The following ATP8B3 variants were observed in gnomAD, a reference collection of about 807,000 sequenced individuals.
The protein encoded by ATP8B3 is phospholipid-transporting ATPase IK.
Under a neutral mutation model 140.9 loss-of-function variants are expected in ATP8B3, and 141 were observed. The observed-to-expected ratio is 1.00, with a 90% CI of 0.87 to 1.15. ATP8B3 has a LOEUF of 1.15. ATP8B3 is among the 50% of genes most tolerant of loss of function. The probability of loss-of-function intolerance (pLI) is 0.00; values close to 1 mark genes in which losing one functional copy is unlikely to be tolerated. For synonymous variants in ATP8B3, 765 were observed against 714.6 expected (o/e 1.07, Z -1.13); for missense variants, 1,874 against 1,740.6 (o/e 1.08, Z -1.36).
chr19:1,782,975 T>G lies in ATP8B3; in HGVS notation c.*53A>C. 1 of 1,556,188 alleles carries G rather than the reference T, an allele frequency of 6.4e-7. No homozygotes were observed. Among genetic ancestry groups the G allele is most frequent in the Non-Finnish European group, 8.7e-7 (1 of 1,149,552 alleles). ...GAGCTGTACTTCCTGGGAGGACACC[T>G]GCCCCTGTGGCTGGTGCTTCTTCTT... On this transcript the variant is annotated 3_prime_UTR_variant, in exon 29 of 29. Transcript: ENST00000310127.
At chr19:1,803,178 G>A (rs1316910770) in intron 10 of ATP8B3, among the ~76,000 whole-genome samples, 2 of 152,102 alleles carry the variant, frequency 1.3e-5, no homozygotes, top group Admixed American at 6.6e-5. Context: ...CCAACACCCT[G>A]CAATGGCCTC....
chr19:1,809,767 C>G, intron 3 of ATP8B3, 33 bp from the exon 4 acceptor site: 6 of 1,568,052 alleles, frequency 3.8e-6, no homozygotes, highest in Non-Finnish European at 4.3e-6. Flanking sequence ...CGCTGGAGCT[C>G]GAGGCCCAGG....
intron 18 of ATP8B3, among the ~76,000 whole-genome samples, chr19:1,793,455 G>A (rs1261540846): frequency 2.0e-5 from 3 of 152,104 alleles, no homozygotes; most frequent in Non-Finnish European, 4.4e-5. Context: ...CACCCACCCG[G>A]TGCCTTCCCC....
intron 18 of ATP8B3, 42 bp downstream of exon 18, chr19:1,795,833 A>AAAAGCC: frequency 7.2e-7 from 1 of 1,384,216 alleles, no homozygotes; most frequent in Non-Finnish European, 1.0e-6. Context: ...ACACACACAC[A>AAAAGCC]CACACACACA....
At position 1,805,358 on chromosome 19, in the gene ATP8B3, G is replaced by C; in HGVS notation, c.904+16C>G. The stretch of plus-strand genomic sequence containing the variant: ...ACAGATTCGAGGGACGTGACTCCCT[G>C]CTCAACGCCTCTCACCTTGAAAGGA... On this transcript the variant is annotated intron_variant, in intron 10 of 28. Coordinates refer to ENST00000310127, the MANE Select transcript of ATP8B3 (RefSeq NM_138813.4). The surrounding 1 kb of genome is among the most constrained non-coding windows in gnomAD (Gnocchi z 5.2). The C allele has an allele frequency of 1.9e-6, 3 of 1,552,120 alleles. No homozygotes were observed. Among genetic ancestry groups the C allele is most frequent in the Non-Finnish European group, 1.7e-6 (2 of 1,143,856 alleles).
intron 28 of ATP8B3, 101 bp from the exon 29 acceptor site, chr19:1,783,371 A>G: frequency 7.1e-7 from 1 of 1,418,326 alleles, no homozygotes; most frequent in Non-Finnish European, 9.5e-7. Flanking sequence ...GCCCTTGGCC[A>G]CTATTGATTG....
Position 1,782,663 on chromosome 19 carries a change from C to T in ATP8B3, c.*365G>A, listed in dbSNP as rs2068192728. 3.5e-6 allele frequency: 1 copy of T among 281,760 alleles called. No individual in the cohort carries two copies. The highest frequency in any genetic ancestry group is 5.0e-5 in the South Asian group (1 of 20,104). The allele number at this position is 281,760 out of a possible 1,614,324, so 17.5% of individuals were successfully genotyped here. ...CTGGCCTGAAAGAAATGACTGGCTC[C>T]CCAGAGGCTGTGGCTGGCTCTCAAA... On this transcript the variant is annotated 3_prime_UTR_variant, in exon 29 of 29. Coordinates refer to ENST00000310127, the MANE Select transcript of ATP8B3 (RefSeq NM_138813.4).
rs10526864 is a variant in ATP8B3 at position 1,795,784 on chromosome 19, T to TACACACAC, written c.2055+83_2055+90dup. 7.4e-4 allele frequency: 660 copies of TACACACAC among 894,604 alleles called. 8 individuals carry two copies. The highest frequency in any genetic ancestry group is 3.5e-3 in the African/African-American group (128 of 36,904). 55.4% of individuals were successfully genotyped at this position (894,604 alleles called of 1,614,324 possible). On this transcript the variant is annotated intron_variant, in intron 18 of 28. Coordinates refer to ENST00000310127, the MANE Select transcript of ATP8B3 (RefSeq NM_138813.4). ...CCCTGCCTCCTCCTCCTCCTGTCCC[T>TACACACAC]ACACACACACACACACACACACACA...
chr19:1,807,025 C>T lies in ATP8B3; in HGVS notation c.615+143G>A. The T allele has an allele frequency of 1.3e-6, 1 of 760,144 alleles. No homozygotes were observed. Among genetic ancestry groups the T allele is most frequent in the South Asian group, 1.6e-5 (1 of 60,888 alleles). 47.1% of individuals were successfully genotyped at this position (760,144 alleles called of 1,614,324 possible). On this transcript the variant is annotated intron_variant, in intron 6 of 28. Coordinates refer to ENST00000310127, the MANE Select transcript of ATP8B3 (RefSeq NM_138813.4). This position sits in a 1 kb window ranked among gnomAD's most constrained non-coding sequence, Gnocchi z 5.9. ...GTGCTAGCAGATAAGGACAATGTAG[C>T]CCCAGCAGCTGAGGCTCCCAGGCCC...
At position 1,782,744 on chromosome 19, in the gene ATP8B3, C is replaced by A. The variant is rs2068194204; in HGVS notation, c.*284G>T. ...TGATTTCTCCTGAAAAGAATGTGACCTCTCCTTGGTCAACAGCAACTTCTC... is the reference window on the plus strand; with the variant it reads ...TGATTTCTCCTGAAAAGAATGTGACATCTCCTTGGTCAACAGCAACTTCTC... On this transcript the variant is annotated 3_prime_UTR_variant, in exon 29 of 29. Transcript: ENST00000310127. 2 of 449,024 alleles carry A rather than the reference C, an allele frequency of 4.5e-6. No individual in the cohort carries two copies. The highest frequency in any genetic ancestry group is 8.1e-6 in the Non-Finnish European group (2 of 246,454). The allele number at this position is 449,024 out of a possible 1,614,324, so 27.8% of individuals were successfully genotyped here. A position where few individuals can be genotyped will look rare whatever the true frequency, so the allele number is the denominator to read the frequency against.
chr19:1,797,087 G>A, intron 14 of ATP8B3, 82 bp from the exon 15 acceptor site: 1 of 1,586,616 alleles, frequency 6.3e-7, no homozygotes, highest in Non-Finnish European at 8.6e-7. Context: ...CTAGTTTCAG[G>A]CTTCCGGGGG....
In ATP8B3 at chr19:1,807,475, C is replaced by T. The variant is rs1420191243; in HGVS notation, c.517-209G>A. On this transcript the variant is annotated intron_variant, in intron 5 of 28. Transcript: ENST00000310127. This position sits in a 1 kb window ranked among gnomAD's most constrained non-coding sequence, Gnocchi z 5.9. Reference sequence around the variant, plus strand: ...TGCCTGGAACTTCTCCCACACGCCTCGTCTCCCCAGCAAACTCCCCTTCTC... The same window carrying T: ...TGCCTGGAACTTCTCCCACACGCCTTGTCTCCCCAGCAAACTCCCCTTCTC... Among the ~76,000 whole-genome samples the T allele has an allele frequency of 7.9e-5, 12 of 152,096 alleles. No individual in the cohort carries two copies. Among genetic ancestry groups the T allele is most frequent in the South Asian group, 2.1e-4 (1 of 4,826 alleles).
chr19:1,809,584 T>G, intron 4 of ATP8B3, 59 bp downstream of exon 4: 3 of 1,454,722 alleles, frequency 2.1e-6, no homozygotes, highest in Non-Finnish European at 2.8e-6. Flanking sequence ...AAAAATAGAT[T>G]CCCCGAGGGT....
chr19:1,805,549 C>G lies in ATP8B3; in HGVS notation c.822-93G>C. On this transcript the variant is annotated intron_variant, in intron 9 of 28. Coordinates refer to ENST00000310127, the MANE Select transcript of ATP8B3 (RefSeq NM_138813.4). This position sits in a 1 kb window ranked among gnomAD's most constrained non-coding sequence, Gnocchi z 5.2. Reference sequence around the variant, plus strand: ...TTCTGGAGTCACTCAAACATTTTCACTGAGCACCTACTAGTTCGCCAGCTG... The same window carrying G: ...TTCTGGAGTCACTCAAACATTTTCAGTGAGCACCTACTAGTTCGCCAGCTG... The G allele has an allele frequency of 8.9e-7, 1 of 1,127,224 alleles. No homozygotes were observed. The highest frequency in any genetic ancestry group is 1.3e-5 in the South Asian group (1 of 74,908). 69.8% of individuals were successfully genotyped at this position (1,127,224 alleles called of 1,614,324 possible).
In ATP8B3 at chr19:1,794,800, AG is replaced by A. The variant is rs1277643023; in HGVS notation, c.2055+1074del. On this transcript the variant is annotated intron_variant, in intron 18 of 28. Coordinates refer to ENST00000310127, the MANE Select transcript of ATP8B3 (RefSeq NM_138813.4). The surrounding 1 kb of genome is among the most constrained non-coding windows in gnomAD (Gnocchi z 4.8). ...GGAGTCCCTTGGTGAGGCCAAAGAG[AG>A]ACCAGGCTGGAGAGGTCAGCAGGGG... Among the ~76,000 whole-genome samples, 1 of 152,110 alleles carries A rather than the reference AG, an allele frequency of 6.6e-6. No homozygotes were observed. Among genetic ancestry groups the A allele is most frequent in the East Asian group, 1.9e-4 (1 of 5,170 alleles).
At chr19:1,799,864 C>T in intron 14 of ATP8B3, 83 bp downstream of exon 14, 1 of 1,348,546 alleles carries the variant, frequency 7.4e-7, no homozygotes, top group Admixed American at 2.0e-5. Context: ...GGGCATGGGG[C>T]CAGACGTGGC....
chr19:1,790,979 G>T (rs1220398614), intron 20 of ATP8B3, 147 bp from the exon 21 acceptor site: 3 of 696,236 alleles, frequency 4.3e-6, no homozygotes, highest in African/African-American at 3.6e-5. Context: ...TCAGAGAAGG[G>T]CTTGTAACCC....
At chr19:1,783,403 G>C (rs1182251495) in intron 28 of ATP8B3, 133 bp from the exon 29 acceptor site, 12 of 1,221,906 alleles carry the variant, frequency 9.8e-6, no homozygotes, top group Non-Finnish European at 1.1e-5. Context: ...CCCTACCCAA[G>C]TTGAGCCAAT....
rs2068441547 is a variant in ATP8B3 at position 1,789,990 on chromosome 19, C to T, written c.2379-1G>A. ...TTCCCAGTAGGTCTCCAGGATGCGG[C>T]TGCGGGGCGCAGGGGTCAGCGGGGC... On this transcript the variant is annotated splice_acceptor_variant, in intron 21 of 28. Transcript: ENST00000310127. LOFTEE classifies it high-confidence loss of function. 6.2e-7 allele frequency: 1 copy of T among 1,608,880 alleles called. No homozygotes were observed. The highest frequency in any genetic ancestry group is 1.7e-5 in the Admixed American group (1 of 59,964).
Sources: gnomAD v4.1 joint callset for allele counts (sites outside exome capture counted in the v4.1 genomes callset) on GRCh38, gnomAD v4.1.1 for gene constraint, Gnocchi (gnomAD v3.1) non-coding constraint, MANE v1.5 for transcripts, NCBI Gene and HGNC (gene_info 2026-07-23, HGNC 2026-07-21) for gene names.